Variants in SNX6 observed in about 807,000 individuals in gnomAD.
The protein encoded by SNX6 is sorting nexin-6.
Under a neutral mutation model 63.0 loss-of-function variants are expected in SNX6, and 34 were observed. The observed-to-expected ratio is 0.54, with a 90% CI of 0.41 to 0.72. The LOEUF (loss-of-function observed/expected upper bound fraction) is 0.72. Ranked by LOEUF, SNX6 falls within the 30% of genes least tolerant of loss-of-function variation. The pLI, the probability that SNX6 is intolerant of heterozygous loss-of-function variation, is 0.00. For missense variants in SNX6, 398 were observed against 471.4 expected, an observed-to-expected ratio of 0.84 and a Z score of 1.44; for synonymous variants, 170 against 164.2, an observed-to-expected ratio of 1.04 and a Z score of -0.27.
intron 2 of SNX6, among the ~76,000 whole-genome samples, chr14:34,627,140 T>A (rs1883858034): frequency 1.3e-5 from 2 of 152,116 alleles, no homozygotes; most frequent in African/African-American, 4.8e-5. Flanking sequence ...CCACCAAGCT[T>A]GCCTAAGTTT....
At chr14:34,570,742 G>C (rs1405293654) in intron 11 of SNX6, among the ~76,000 whole-genome samples, 4 of 99,098 alleles carry the variant, frequency 4.0e-5, no homozygotes, top group African/African-American at 1.6e-4. Flanking sequence ...TTTTTTTTTT[G>C]AGATGGAGTC....
rs567110245 is a variant in SNX6 at position 34,579,043 on chromosome 14, G to A, written c.834+2518C>T. ...TAAAATACTAAGTTTTAACAAGCTT[G>A]TAGAACAACCTAAATGCTCATACTC... On this transcript the variant is annotated intron_variant, in intron 10 of 13. Transcript: ENST00000362031. Among the ~76,000 whole-genome samples the A allele has an allele frequency of 4.1e-5, 6 of 145,914 alleles. No individual in the cohort carries two copies. In the South Asian group the frequency reaches 1.1e-3, roughly 28 times the overall value.
intron 2 of SNX6, among the ~76,000 whole-genome samples, chr14:34,618,606 C>T (rs568547405): frequency 6.6e-6 from 1 of 152,294 alleles, no homozygotes; most frequent in African/African-American, 2.4e-5. Flanking sequence ...CCACCTTGGC[C>T]TCTCAAGTGC....
At chr14:34,622,435 T>A (rs1011347688) in intron 2 of SNX6, among the ~76,000 whole-genome samples, 1 of 151,502 alleles carries the variant, frequency 6.6e-6, no homozygotes, top group African/African-American at 2.4e-5. Flanking sequence ...AAAAAGAAAT[T>A]AGCTGGGCGT....
rs920539826 is a variant in SNX6 at position 34,572,741 on chromosome 14, C to T, written c.921+3015G>A. ...TGTCCCCCAGGCCGGAGTGCCGTGG[C>T]GCGATCTCGGCTCACTGCAAGCTCC... is the stretch of plus-strand genomic sequence containing the variant. On this transcript the variant is annotated intron_variant, in intron 11 of 13. Transcript: ENST00000362031. Among the ~76,000 whole-genome samples, 8 of 151,934 alleles carry T rather than the reference C, an allele frequency of 5.3e-5. No homozygotes were observed. In the South Asian group the frequency reaches 1.0e-3, roughly 20 times the overall value.
intron 2 of SNX6, among the ~76,000 whole-genome samples, chr14:34,628,584 A>G (rs1428004897): frequency 6.6e-6 from 1 of 152,078 alleles, no homozygotes; most frequent in Non-Finnish European, 1.5e-5. Context: ...AGCTATAACC[A>G]TGCCACTGCA....
chr14:34,580,787 T>C (rs1566470838), intron 10 of SNX6, among the ~76,000 whole-genome samples: 3 of 151,652 alleles, frequency 2.0e-5, no homozygotes, highest in Non-Finnish European at 4.4e-5. Flanking sequence ...GCCTCCCAAG[T>C]AGGACTACAG....
chr14:34,581,699 T>A (rs960190456), intron 9 of SNX6, 99 bp from the exon 10 acceptor site: 33 of 658,814 alleles, frequency 5.0e-5, no homozygotes, highest in Admixed American at 4.5e-5. Context: ...TAACACCTTG[T>A]CTCATTGCAG....
intron 6 of SNX6, among the ~76,000 whole-genome samples, chr14:34,601,890 C>G (rs1882830011): frequency 6.6e-6 from 1 of 152,020 alleles, no homozygotes; most frequent in East Asian, 1.9e-4. Context: ...GCATGAGCCA[C>G]CATGCCTGGC....
intron 3 of SNX6, 31 bp downstream of exon 3, chr14:34,609,606 TA>T: frequency 6.9e-7 from 1 of 1,443,052 alleles, no homozygotes; most frequent in Non-Finnish European, 9.7e-7. Flanking sequence ...AATAAATGGC[TA>T]AAATAATAGA....
At chr14:34,586,731 C>T (rs540746198) in intron 8 of SNX6, among the ~76,000 whole-genome samples, 4 of 133,616 alleles carry the variant, frequency 3.0e-5, no homozygotes, top group Admixed American at 7.4e-5. Context: ...AATTGGAGGT[C>T]GGGCGCAGTA....
intron 2 of SNX6, among the ~76,000 whole-genome samples, chr14:34,617,738 G>C (rs1177554891): frequency 6.6e-6 from 1 of 151,762 alleles, no homozygotes; most frequent in African/African-American, 2.4e-5. Flanking sequence ...TGGCTAACAC[G>C]GTGAAACCCC....
chr14:34,586,063 T>C (rs906867960), intron 9 of SNX6, among the ~76,000 whole-genome samples, 167 bp downstream of exon 9: 9 of 151,920 alleles, frequency 5.9e-5, no homozygotes, highest in African/African-American at 9.7e-5. Context: ...TCACCCCGCC[T>C]GGCTAATTTT....
At chr14:34,613,524 G>T (rs111421411) in intron 2 of SNX6, among the ~76,000 whole-genome samples, 11 of 152,260 alleles carry the variant, frequency 7.2e-5, no homozygotes, top group African/African-American at 2.4e-4. Flanking sequence ...TGGGCATGGT[G>T]GTTTACGCCT....
At chr14:34,564,584 C>T (rs7155411) in intron 13 of SNX6, among the ~76,000 whole-genome samples, 124,149 of 151,886 alleles carry the variant, frequency 0.82, 51,036 homozygotes, top group Non-Finnish European at 0.85. Flanking sequence ...TCCCAGCACT[C>T]TGGGAAGCCG....
intron 11 of SNX6, among the ~76,000 whole-genome samples, chr14:34,572,313 C>A (rs1881483035): frequency 6.6e-6 from 1 of 152,116 alleles, no homozygotes; most frequent in East Asian, 1.9e-4. Flanking sequence ...AATCCCAACA[C>A]CTTGGGAGGC....
chr14:34,608,466 A>G (rs1883104158), intron 3 of SNX6, among the ~76,000 whole-genome samples: 1 of 152,176 alleles, frequency 6.6e-6, no homozygotes, highest in African/African-American at 2.4e-5. Flanking sequence ...TCTGGCCTTA[A>G]AAAGTTTTTA....
chr14:34,592,016 G>A lies in SNX6; in HGVS notation c.718+1029C>T, dbSNP rs7142220. Among the ~76,000 whole-genome samples, 915 of 152,290 alleles carry A rather than the reference G, an allele frequency of 6.0e-3. 7 individuals are homozygous for A. Among genetic ancestry groups the A allele is most frequent in the African/African-American group, 0.02 (849 of 41,562 alleles). ...TTCATCACTCAGAATATTTAAAAAT[G>A]TATACCCAAGGGTAGAGATTACAAT... On this transcript the variant is annotated intron_variant, in intron 8 of 13. Transcript: ENST00000362031.
In SNX6 at chr14:34,609,266, T is replaced by C. The variant is rs548280146; in HGVS notation, c.159+372A>G. ...TTTGGGCGGATAACAAGGTTGGAGA[T>C]CGAGACCATCCTGGCTTACACAGTG... On this transcript the variant is annotated intron_variant, in intron 3 of 13. Coordinates refer to ENST00000362031, the MANE Select transcript of SNX6 (RefSeq NM_152233.4). 8.5e-4 allele frequency among the ~76,000 whole-genome samples: 129 copies of C among 151,856 alleles called. 1 individual carries two copies. The highest frequency in any genetic ancestry group is 7.4e-3 in the Admixed American group (113 of 15,236).
Sources: gnomAD v4.1 joint callset for allele counts (sites outside exome capture counted in the v4.1 genomes callset) on GRCh38, gnomAD v4.1.1 for gene constraint, MANE v1.5 for transcripts, NCBI Gene and HGNC (gene_info 2026-07-23, HGNC 2026-07-21) for gene names.